Variants in ADAMTS14 observed in about 807,000 individuals in gnomAD.
ADAMTS14 encodes ADAM metallopeptidase with thrombospondin type 1 motif 14.
In ADAMTS14, 100 loss-of-function variants were observed where a neutral mutation model predicts 128.6. That is an observed-to-expected ratio of 0.78 (90% CI 0.66 to 0.92). ADAMTS14 has a LOEUF of 0.92. Among genes scored for constraint, ADAMTS14 ranks in the 40% least tolerant of loss-of-function variants. The pLI is 0.00. For missense variants in ADAMTS14, 1,562 were observed against 1,658.6 expected (o/e 0.94, Z 1.01); for synonymous variants, 665 against 653.8 (o/e 1.02, Z -0.26).
chr10:70,701,880 A>G (rs1419081421), intron 2 of ADAMTS14, among the ~76,000 whole-genome samples: 1 of 152,160 alleles, frequency 6.6e-6, no homozygotes, highest in Non-Finnish European at 1.5e-5. Context: ...CTTTGCCCCT[A>G]GGATCTTCCT....
chr10:70,740,413 A>G (rs532150857), intron 11 of ADAMTS14, among the ~76,000 whole-genome samples: 95 of 152,324 alleles, frequency 6.2e-4, no homozygotes, highest in Middle Eastern at 3.4e-3. Context: ...AGGTGAGTAA[A>G]ATAAGAGGGA....
chr10:70,744,348 C>T lies in ADAMTS14; in HGVS notation c.2182+159C>T, dbSNP rs1368382173. 5.3e-5 allele frequency among the ~76,000 whole-genome samples: 8 copies of T among 152,290 alleles called. No individual in the cohort carries two copies. The South Asian group carries it at 8.3e-4, about 16-fold the overall frequency. Reference sequence around the variant, plus strand: ...TTCCTGGGCTGCCCAGGCTGGTGAGCCAGGTGCTGCAGCCAGTCACCTCAC... The same window carrying T: ...TTCCTGGGCTGCCCAGGCTGGTGAGTCAGGTGCTGCAGCCAGTCACCTCAC... On this transcript the variant is annotated intron_variant, in intron 14 of 21. Coordinates refer to ENST00000373207, the MANE Select transcript of ADAMTS14 (RefSeq NM_080722.4).
chr10:70,692,173 C>T (rs541326301), intron 2 of ADAMTS14, among the ~76,000 whole-genome samples: 1 of 152,258 alleles, frequency 6.6e-6, no homozygotes, highest in Admixed American at 6.5e-5. Context: ...TAATGACTAT[C>T]TAGGGGTAAG....
At chr10:70,717,669 C>T (rs1236645513) in intron 4 of ADAMTS14, among the ~76,000 whole-genome samples, 1 of 152,166 alleles carries the variant, frequency 6.6e-6, no homozygotes, top group Non-Finnish European at 1.5e-5. Flanking sequence ...CTCCTAGGGC[C>T]TGGAACTGGA....
chr10:70,757,056 A>G (rs963279563), intron 19 of ADAMTS14, among the ~76,000 whole-genome samples: 2 of 151,968 alleles, frequency 1.3e-5, no homozygotes, highest in African/African-American at 4.8e-5. Flanking sequence ...CCAGTGTGGG[A>G]AGTGGGGTCC....
intron 5 of ADAMTS14, among the ~76,000 whole-genome samples, chr10:70,729,723 C>A (rs963711247): frequency 6.6e-6 from 1 of 152,098 alleles, no homozygotes; most frequent in Non-Finnish European, 1.5e-5. Context: ...CTACCAGTCA[C>A]CTATTATTAA....
At chr10:70,677,833 C>T (rs1021732428) in intron 2 of ADAMTS14, among the ~76,000 whole-genome samples, 16 of 152,216 alleles carry the variant, frequency 1.1e-4, no homozygotes, top group Admixed American at 3.3e-4. Context: ...GGGGCTGTGT[C>T]CCAGTGACCC....
chr10:70,709,427 T>G (rs1294400215), intron 4 of ADAMTS14, among the ~76,000 whole-genome samples: 1 of 150,310 alleles, frequency 6.7e-6, no homozygotes, highest in Non-Finnish European at 1.5e-5. Flanking sequence ...AAATGTAGTT[T>G]TTTTTTAAGT....
rs769315009 is a variant in ADAMTS14, at chr10:70,672,799, C to G, written c.-4C>G. 1.9e-5 allele frequency: 29 copies of G among 1,503,138 alleles called. No individual in the cohort carries two copies. In the South Asian group the frequency reaches 3.6e-4, roughly 19 times the overall value. 93.1% of individuals were successfully genotyped at this position (1,503,138 alleles called of 1,614,324 possible). The stretch of plus-strand genomic sequence containing the variant: ...TTGCCCAGCCCGCGTCCCAGCGCGG[C>G]CACATGGCTCCACTCCGCGCGCTGC... On this transcript the variant is annotated 5_prime_UTR_variant, in exon 1 of 22. Transcript: ENST00000373207.
At chr10:70,722,812 T>A (rs909311364) in intron 4 of ADAMTS14, among the ~76,000 whole-genome samples, 4 of 152,158 alleles carry the variant, frequency 2.6e-5, no homozygotes, top group African/African-American at 9.7e-5. Context: ...ACTGATAACA[T>A]AAATGATAGA....
In ADAMTS14 at chr10:70,708,770, A is replaced by G. The variant is rs758102198; in HGVS notation, c.862A>G (p.Met288Val). The G allele has an allele frequency of 6.7e-6, 9 of 1,352,716 alleles. No individual in the cohort carries two copies. Among genetic ancestry groups the G allele is most frequent in the South Asian group, 3.4e-5 (3 of 87,066 alleles). 83.8% of individuals were successfully genotyped at this position (1,352,716 alleles called of 1,614,324 possible). A position where few individuals can be genotyped will look rare whatever the true frequency, so the allele number is the denominator to read the frequency against. Residue 288 changes from methionine (M) to valine (V), a missense_variant, in exon 4 of 22, where the codon ATG becomes GTG. Coordinates refer to ENST00000373207, the MANE Select transcript of ADAMTS14 (RefSeq NM_080722.4). ...TGTGCAGAACTATGTCCTCACCCTC[A>G]TGAATATCGTGAGTGTCCATGTGTC... ...EHVQNYVLTL[M>V]NIVDEIYHDE...
rs1841588020 is a variant in ADAMTS14 at position 70,730,153 on chromosome 10, T to A, written c.1006T>A (p.Cys336Ser). 1 of 1,612,770 alleles carries A rather than the reference T, an allele frequency of 6.2e-7. No individual in the cohort carries two copies. The highest frequency in any genetic ancestry group is 8.5e-7 in the Non-Finnish European group (1 of 1,179,956). Residue 336 changes from cysteine to serine, a missense_variant, in exon 6 of 22, where the codon TGT (cysteine) becomes AGT (serine). Cys to Ser is a moderately radical substitution (Grantham distance 112, BLOSUM62 -1). Transcript: ENST00000373207. ...CCCCTCACGCAGCCTGGAGCAGGTGTGTCGCTGGGCACACTCCCAGCAGCG... is the reference window on the plus strand; with the variant it reads ...CCCCTCACGCAGCCTGGAGCAGGTGAGTCGCTGGGCACACTCCCAGCAGCG... ...GNPSRSLEQV[C>S]RWAHSQQRQD...
intron 12 of ADAMTS14, among the ~76,000 whole-genome samples, chr10:70,741,583 A>G (rs1305894108): frequency 6.6e-6 from 1 of 152,180 alleles, no homozygotes; most frequent in Non-Finnish European, 1.5e-5. Flanking sequence ...CAGTGTCCTG[A>G]GGAGCTCAGT....
rs142146442 is a variant in ADAMTS14 at position 70,722,988 on chromosome 10, G to A, written c.871-6306G>A. Among the ~76,000 whole-genome samples the A allele has an allele frequency of 5.3e-3, 811 of 152,256 alleles. 2 individuals are homozygous for A. The highest frequency in any genetic ancestry group is 0.011 in the South Asian group (54 of 4,812). On this transcript the variant is annotated intron_variant, in intron 4 of 21. Transcript: ENST00000373207. Reference sequence around the variant, plus strand: ...TCAGTATGGAAATCAGGGAGCAGAGGGTAACTTTCAGTGAAGAAACCTGAC... The same window carrying A: ...TCAGTATGGAAATCAGGGAGCAGAGAGTAACTTTCAGTGAAGAAACCTGAC...
intron 2 of ADAMTS14, among the ~76,000 whole-genome samples, chr10:70,700,099 C>T (rs146535927): frequency 3.3e-5 from 5 of 152,168 alleles, no homozygotes; most frequent in Non-Finnish European, 4.4e-5. Context: ...AACAAAGCTG[C>T]GGTAGGCCTT....
intron 2 of ADAMTS14, among the ~76,000 whole-genome samples, chr10:70,701,515 G>C (rs1392419280): frequency 6.6e-6 from 1 of 152,206 alleles, no homozygotes; most frequent in Non-Finnish European, 1.5e-5. Flanking sequence ...ATGTGCACGT[G>C]TGCATATGCA....
chr10:70,694,124 G>C (rs1840266234), intron 2 of ADAMTS14, among the ~76,000 whole-genome samples: 1 of 152,248 alleles, frequency 6.6e-6, no homozygotes. Flanking sequence ...TTCCACATCA[G>C]GTTTGAATTA....
intron 2 of ADAMTS14, among the ~76,000 whole-genome samples, chr10:70,690,336 G>T (rs1840149263): frequency 6.9e-6 from 1 of 144,550 alleles, no homozygotes; most frequent in African/African-American, 2.4e-5. Context: ...CATGCCACCT[G>T]TCTGGGGTCT....
At chr10:70,703,490 G>A (rs1840557913) in intron 3 of ADAMTS14, among the ~76,000 whole-genome samples, 1 of 152,218 alleles carries the variant, frequency 6.6e-6, no homozygotes. Flanking sequence ...AAGAGAAGCT[G>A]TGGCACCAGA....
Sources: gnomAD v4.1 joint callset for allele counts (sites outside exome capture counted in the v4.1 genomes callset) on GRCh38, gnomAD v4.1.1 for gene constraint, MANE v1.5 for transcripts, NCBI Gene and HGNC (gene_info 2026-07-23, HGNC 2026-07-21) for gene names.